The following UBE3B variants were observed in gnomAD, a reference collection of about 807,000 sequenced individuals.
The protein encoded by UBE3B is ubiquitin protein ligase E3B, also known as ubiquitin-protein ligase E3B.
Under a neutral mutation model 132.3 loss-of-function variants are expected in UBE3B, and 80 were observed. The observed-to-expected ratio is 0.60, with a 90% CI of 0.50 to 0.73. The LOEUF (loss-of-function observed/expected upper bound fraction) is 0.73, where lower values mean the gene tolerates loss of function less well. UBE3B is among the 30% of genes least tolerant of loss of function. The pLI is 0.00. For synonymous variants in UBE3B, 487 were observed against 520.4 expected (o/e 0.94, Z 0.87); for missense variants, 1,196 against 1,362.5 (o/e 0.88, Z 1.92).
At chr12:109,509,755 A>G in intron 16 of UBE3B, 41 bp downstream of exon 16, 1 of 1,377,466 alleles carries the variant, frequency 7.3e-7, no homozygotes. Flanking sequence ...TTGATGCTGC[A>G]CCCAGGGAGG....
At chr12:109,511,454 T>A in intron 18 of UBE3B, 151 bp downstream of exon 18, 1 of 697,732 alleles carries the variant, frequency 1.4e-6, no homozygotes, top group East Asian at 2.8e-5. Flanking sequence ...TTTGGTGAGG[T>A]TACACCCAGT....
intron 19 of UBE3B, chr12:109,517,879 G>C (rs1391919169): frequency 2.5e-6 from 1 of 406,344 alleles, no homozygotes; most frequent in South Asian, 1.7e-5. Context: ...TTTCTCCCTC[G>C]GTGCATCGTA....
intron 14 of UBE3B, among the ~76,000 whole-genome samples, chr12:109,504,874 G>A (rs533226424): frequency 2.3e-4 from 34 of 151,082 alleles, no homozygotes; most frequent in Non-Finnish European, 4.7e-4. Context: ...GCGCAATCTC[G>A]GCTCAACTGC....
At chr12:109,543,963 C>A in the UBE3B span, among the ~76,000 whole-genome samples, 1 of 152,156 alleles carries the variant, frequency 6.6e-6, no homozygotes, top group East Asian at 1.9e-4. Context: ...CGATGGGCCA[C>A]CCGAGATGTT....
rs769334836 is a variant in UBE3B, at chr12:109,507,620, G to A, written c.1507G>A (p.Gly503Arg). The change falls in exon 15 of 28, where the codon GGG (glycine) becomes AGG (arginine). Residue 503 changes from glycine (G) to arginine (R), a missense_variant. Gly to Arg is a moderately radical substitution (Grantham distance 125). Coordinates refer to ENST00000342494, the MANE Select transcript of UBE3B (RefSeq NM_130466.4). ...PKLWAFICELGPHGGLKLFLE... is the reference protein window; with the variant it reads ...PKLWAFICELRPHGGLKLFLE... Reference sequence around the variant, plus strand: ...ACTGTGGGCATTTATCTGTGAGCTCGGGCCCCACGGAGGGTTAAAGCTCTT... The same window carrying A: ...ACTGTGGGCATTTATCTGTGAGCTCAGGCCCCACGGAGGGTTAAAGCTCTT... The A allele has an allele frequency of 5.0e-6, 8 of 1,614,106 alleles. No individual in the cohort carries two copies. The highest frequency in any genetic ancestry group is 1.7e-5 in the Admixed American group (1 of 60,006).
At chr12:109,540,110 A>G (rs1883580236), downstream of UBE3B, among the ~76,000 whole-genome samples, 1 of 152,098 alleles carries the variant, frequency 6.6e-6, no homozygotes, top group Admixed American at 6.5e-5. Flanking sequence ...GAAAGCGTTC[A>G]TTCTGCTGCC....
intron 18 of UBE3B, among the ~76,000 whole-genome samples, chr12:109,515,997 G>C (rs1880986285): frequency 6.6e-6 from 1 of 152,062 alleles, no homozygotes; most frequent in Non-Finnish European, 1.5e-5. Flanking sequence ...TAAATTTTCT[G>C]ACAGTAGGAA....
At chr12:109,495,231 A>G (rs1385063253) in intron 9 of UBE3B, among the ~76,000 whole-genome samples, 1 of 152,230 alleles carries the variant, frequency 6.6e-6, no homozygotes, top group South Asian at 2.1e-4. Context: ...AAGTGAAAGT[A>G]TATAGTGTGA....
chr12:109,512,558 AT>A (rs1455866521), intron 18 of UBE3B, among the ~76,000 whole-genome samples: 1 of 151,776 alleles, frequency 6.6e-6, no homozygotes, highest in Admixed American at 6.6e-5. Flanking sequence ...TGTGTCCTTT[AT>A]TTTTCTCCTG....
At chr12:109,495,350 T>C (rs1022779011) in intron 9 of UBE3B, among the ~76,000 whole-genome samples, 1 of 152,256 alleles carries the variant, frequency 6.6e-6, no homozygotes, top group Non-Finnish European at 1.5e-5. Flanking sequence ...TACCTTTTTT[T>C]CTGCATGACC....
chr12:109,521,202 C>T lies in UBE3B; in HGVS notation c.2131C>T (p.Arg711Cys). Residue 711 changes from arginine (R) to cysteine (C), a missense_variant, in exon 20 of 28, where the codon CGT becomes TGT. By Grantham distance (180) the Arg-to-Cys change is radical (BLOSUM62 -3). Transcript: ENST00000342494. The surrounding 1 kb of genome is among the most constrained non-coding windows in gnomAD (Gnocchi z 4.2). ...LSQHAMKGVI[R>C]VKFVNDLGVD... ...CCAGCACGCCATGAAGGGGGTCATC[C>T]GTGTGAAGTTTGTCAATGACCTCGG... is the stretch of plus-strand genomic sequence containing the variant. 2 of 1,614,164 alleles carry T rather than the reference C, an allele frequency of 1.2e-6. No homozygotes were observed. Among genetic ancestry groups the T allele is most frequent in the Non-Finnish European group, 1.7e-6 (2 of 1,180,038 alleles).
chr12:109,498,714 A>G (rs1002127784), intron 11 of UBE3B, among the ~76,000 whole-genome samples: 21 of 152,112 alleles, frequency 1.4e-4, no homozygotes, highest in African/African-American at 2.2e-4. Context: ...TGCTTTACCT[A>G]TTTTACAGTG....
At chr12:109,494,405 A>G (rs1229183711) in intron 9 of UBE3B, among the ~76,000 whole-genome samples, 1 of 152,122 alleles carries the variant, frequency 6.6e-6, no homozygotes. Context: ...CTGGACGCCT[A>G]GTTTGCCCAG....
At chr12:109,542,037 G>A in the UBE3B span, among the ~76,000 whole-genome samples, 1 of 152,160 alleles carries the variant, frequency 6.6e-6, no homozygotes, top group African/African-American at 2.4e-5. Flanking sequence ...TGTTCAGGGG[G>A]ACACCATTCA....
intron 27 of UBE3B, chr12:109,533,877 T>C (rs758431867): frequency 3.8e-6 from 5 of 1,303,566 alleles, no homozygotes; most frequent in South Asian, 1.2e-5. Flanking sequence ...TGAGGCAGCA[T>C]GGGAGAAAGT....
intron 18 of UBE3B, among the ~76,000 whole-genome samples, chr12:109,515,359 G>GT (rs5800863): frequency 7.3e-5 from 11 of 150,816 alleles, no homozygotes; most frequent in Non-Finnish European, 1.3e-4. Flanking sequence ...TATTATTACT[G>GT]TTTTTTTGTT....
In UBE3B at chr12:109,503,131, G is replaced by A; in HGVS notation, c.1391G>A (p.Cys464Tyr). Residue 464 changes from cysteine to tyrosine, a missense_variant, in exon 14 of 28, where the codon TGT becomes TAT. Transcript: ENST00000342494. ...GAAGTCCAGAAGGTTTGCAACATCTGTGTCCTCTACCAGACCTCGCTGACA... is the reference window on the plus strand; with the variant it reads ...GAAGTCCAGAAGGTTTGCAACATCTATGTCCTCTACCAGACCTCGCTGACA... ...SAEVQKVCNI[C>Y]VLYQTSLTTL... The A allele has an allele frequency of 1.9e-6, 3 of 1,614,200 alleles. No homozygotes were observed. The highest frequency in any genetic ancestry group is 2.5e-6 in the Non-Finnish European group (3 of 1,180,040).
In UBE3B at chr12:109,521,007, G is replaced by A. The variant is rs939239925; in HGVS notation, c.2077-141G>A. On this transcript the variant is annotated intron_variant, in intron 19 of 27. Transcript: ENST00000342494. The surrounding 1 kb of genome is among the most constrained non-coding windows in gnomAD (Gnocchi z 4.2). The stretch of plus-strand genomic sequence containing the variant: ...CACTCATTCAAAAGCAGGTGAGAAC[G>A]GCTCCTGTCATGCATCCACGTTTCA... The A allele has an allele frequency of 9.1e-6, 8 of 877,140 alleles. No homozygotes were observed. The highest frequency in any genetic ancestry group is 3.5e-4 in the Middle Eastern group (1 of 2,834). The allele number at this position is 877,140 out of a possible 1,614,324, so 54.3% of individuals were successfully genotyped here. A position where few individuals can be genotyped will look rare whatever the true frequency, so the allele number is the denominator to read the frequency against.
At chr12:109,526,924 A>G (rs2136105506) in intron 24 of UBE3B, among the ~76,000 whole-genome samples, 1 of 152,004 alleles carries the variant, frequency 6.6e-6, no homozygotes, top group Admixed American at 6.5e-5. Flanking sequence ...TATTTTTTGC[A>G]GTAGCACTTC....
Sources: gnomAD v4.1 joint callset for allele counts (sites outside exome capture counted in the v4.1 genomes callset) on GRCh38, gnomAD v4.1.1 for gene constraint, Gnocchi (gnomAD v3.1) non-coding constraint, MANE v1.5 for transcripts, NCBI Gene and HGNC (gene_info 2026-07-23, HGNC 2026-07-21) for gene names.